Variants in SLC12A2 observed in about 807,000 individuals in gnomAD.
The protein encoded by SLC12A2 is solute carrier family 12 member 2, also known as Na-K-2Cl cotransporter 1.
A neutral mutation model predicts 136.3 loss-of-function variants in SLC12A2; 67 were observed. That is an observed-to-expected ratio of 0.49 (90% CI 0.40 to 0.60). The LOEUF is 0.60. SLC12A2 is among the 20% of genes least tolerant of loss of function. The pLI, the probability that SLC12A2 is intolerant of heterozygous loss-of-function variation, is 0.00. For missense variants in SLC12A2, 1,322 were observed against 1,534.7 expected (o/e 0.86, Z 2.32); for synonymous variants, 619 against 562.9 (o/e 1.10, Z -1.41).
At chr5:128,090,079 T>C (rs995367573) in intron 1 of SLC12A2, among the ~76,000 whole-genome samples, 3 of 152,330 alleles carry the variant, frequency 2.0e-5, no homozygotes, top group Admixed American at 6.5e-5. Flanking sequence ...CTACTTGCCA[T>C]TGAAGTCAGG....
chr5:128,109,322 G>A (rs916292510), intron 1 of SLC12A2, among the ~76,000 whole-genome samples: 1 of 152,230 alleles, frequency 6.6e-6, no homozygotes, highest in East Asian at 1.9e-4. Flanking sequence ...CTGGGGCGGC[G>A]GAAACCCACG....
intron 5 of SLC12A2, 40 bp downstream of exon 5, chr5:128,131,246 T>TAA: frequency 6.3e-7 from 1 of 1,596,186 alleles, no homozygotes; most frequent in East Asian, 2.2e-5. Context: ...TACCAAATCT[T>TAA]TATTGAGGGA....
chr5:128,173,046 C>G (rs1763430829), intron 19 of SLC12A2, among the ~76,000 whole-genome samples: 1 of 151,820 alleles, frequency 6.6e-6, no homozygotes, highest in Non-Finnish European at 1.5e-5. Context: ...AAATTATAAG[C>G]TTAAGAAAAT....
intron 22 of SLC12A2, among the ~76,000 whole-genome samples, chr5:128,179,607 A>G (rs899669942): frequency 6.6e-6 from 1 of 152,204 alleles, no homozygotes; most frequent in Admixed American, 6.5e-5. Context: ...AAGCAGGAAC[A>G]GGCACATCAC....
chr5:128,138,455 T>G, intron 7 of SLC12A2, 142 bp from the exon 8 acceptor site: 1 of 677,522 alleles, frequency 1.5e-6, no homozygotes. Context: ...ACCAAATACT[T>G]GAACTGGGAA....
intron 22 of SLC12A2, among the ~76,000 whole-genome samples, 197 bp downstream of exon 22, chr5:128,178,886 A>T (rs1195168555): frequency 6.6e-6 from 1 of 152,196 alleles, no homozygotes; most frequent in African/African-American, 2.4e-5. Context: ...GAGGTTGTTC[A>T]GTAGTATTTC....
At chr5:128,110,368 C>G in intron 1 of SLC12A2, 2 of 972,334 alleles carry the variant, frequency 2.1e-6, no homozygotes, top group Admixed American at 1.7e-5. Flanking sequence ...CAAGCTAACA[C>G]GGGTCCTCCC....
chr5:128,128,180 G>C (rs1561674552), intron 4 of SLC12A2, among the ~76,000 whole-genome samples: 1 of 151,984 alleles, frequency 6.6e-6, no homozygotes, highest in African/African-American at 2.4e-5. Context: ...TGTTATTTCA[G>C]GTTTTTGAAA....
chr5:128,157,264 T>G (rs1762895945), intron 15 of SLC12A2, among the ~76,000 whole-genome samples: 1 of 151,934 alleles, frequency 6.6e-6, no homozygotes, highest in Admixed American at 6.5e-5. Context: ...GACCTGTATA[T>G]TTTTTACATT....
At chr5:128,094,044 C>T (rs1760433503) in intron 1 of SLC12A2, among the ~76,000 whole-genome samples, 1 of 151,826 alleles carries the variant, frequency 6.6e-6, no homozygotes, top group Non-Finnish European at 1.5e-5. Context: ...AAGATTTCAC[C>T]TCAGTCCTTA....
chr5:128,144,018 T>C (rs1413666995), intron 10 of SLC12A2, among the ~76,000 whole-genome samples: 2 of 151,884 alleles, frequency 1.3e-5, no homozygotes, highest in Non-Finnish European at 2.9e-5. Context: ...GTTTGTGTTT[T>C]CTAGTCATAA....
chr5:128,084,786 C>T lies in SLC12A2; in HGVS notation c.756+76C>T. 1 of 1,441,944 alleles carries T rather than the reference C, an allele frequency of 6.9e-7. No individual in the cohort carries two copies. The highest frequency in any genetic ancestry group is 1.4e-5 in the South Asian group (1 of 70,692). The allele number at this position is 1,441,944 out of a possible 1,614,324, so 89.3% of individuals were successfully genotyped here. ...CGCGGGATGTGGCTGCAGACTCTTCCCGAGTTGAGGTGGCGGGAGTAGTAG... is the reference window on the plus strand; with the variant it reads ...CGCGGGATGTGGCTGCAGACTCTTCTCGAGTTGAGGTGGCGGGAGTAGTAG... On this transcript the variant is annotated intron_variant, in intron 1 of 26. Transcript: ENST00000262461. The surrounding 1 kb of genome is among the most constrained non-coding windows in gnomAD (Gnocchi z 5.6).
At chr5:128,111,963 T>G (rs892703581) in intron 1 of SLC12A2, among the ~76,000 whole-genome samples, 2 of 152,148 alleles carry the variant, frequency 1.3e-5, no homozygotes, top group Admixed American at 6.5e-5. Flanking sequence ...GCTGTTTAGA[T>G]GTGGGTAGAG....
At chr5:128,138,489 T>G in intron 7 of SLC12A2, 108 bp from the exon 8 acceptor site, 1 of 989,190 alleles carries the variant, frequency 1.0e-6, no homozygotes, top group Non-Finnish European at 1.5e-6. Flanking sequence ...TACTCGTTAC[T>G]TTAACTGAAG....
intron 17 of SLC12A2, among the ~76,000 whole-genome samples, chr5:128,162,455 TA>T (rs1447402501): frequency 6.6e-6 from 1 of 152,126 alleles, no homozygotes; most frequent in Non-Finnish European, 1.5e-5. Flanking sequence ...ATTAAATACC[TA>T]AATTTAAAAG....
At chr5:128,113,031 C>A in intron 2 of SLC12A2, 98 bp downstream of exon 2, 2 of 1,099,818 alleles carry the variant, frequency 1.8e-6, no homozygotes, top group African/African-American at 1.6e-5. Context: ...CTCTTTTTTT[C>A]TCTATGTTAA....
intron 4 of SLC12A2, among the ~76,000 whole-genome samples, chr5:128,115,889 C>T (rs3805603): frequency 0.13 from 19,143 of 152,108 alleles, 1,364 homozygotes; most frequent in African/African-American, 0.2. Context: ...ATCACTGTGA[C>T]CCTTGGAGGC....
Position 128,085,518 on chromosome 5 carries a change from G to A in SLC12A2, c.756+808G>A, listed in dbSNP as rs554159598. The stretch of plus-strand genomic sequence containing the variant: ...TTGATTTTTGTAACTATTTTTTATG[G>A]TCACATAAGACTTATTTCTTCAGCG... On this transcript the variant is annotated intron_variant, in intron 1 of 26. Coordinates refer to ENST00000262461, the MANE Select transcript of SLC12A2 (RefSeq NM_001046.3). Among the ~76,000 whole-genome samples the A allele has an allele frequency of 7.9e-5, 12 of 152,096 alleles. No homozygotes were observed. In the South Asian group the frequency reaches 2.5e-3, roughly 32 times the overall value.
intron 17 of SLC12A2, among the ~76,000 whole-genome samples, chr5:128,162,019 A>G (rs1763055655): frequency 6.6e-6 from 1 of 152,194 alleles, no homozygotes; most frequent in African/African-American, 2.4e-5. Flanking sequence ...TCAGAATTAA[A>G]GGGACAGTAG....
Sources: allele counts gnomAD v4.1 joint callset (sites outside exome capture counted in the v4.1 genomes callset), GRCh38; gene constraint gnomAD v4.1.1; non-coding constraint Gnocchi (gnomAD v3.1); transcripts MANE v1.5; gene names NCBI Gene and HGNC (gene_info 2026-07-23, HGNC 2026-07-21).